The following CFAP54 variants were observed in gnomAD, a reference collection of about 807,000 sequenced individuals.
CFAP54 encodes cilia- and flagella-associated protein 54.
CFAP54 carries 290 observed loss-of-function variants against 370.4 expected under a neutral mutation model. The observed-to-expected ratio is 0.78, with a 90% CI of 0.71 to 0.86. The LOEUF (loss-of-function observed/expected upper bound fraction) is 0.86. CFAP54 is among the 40% of genes least tolerant of loss of function. The pLI is 0.00. For missense variants in CFAP54, 3,399 were observed against 3,528.7 expected, an observed-to-expected ratio of 0.96 and a Z score of 0.93; for synonymous variants, 1,206 against 1,236.5, an observed-to-expected ratio of 0.98 and a Z score of 0.52.
At chr12:96,679,895 G>A (rs1349216171) in intron 40 of CFAP54, 143 bp downstream of exon 40, 1 of 785,848 alleles carries the variant, frequency 1.3e-6, no homozygotes, top group Non-Finnish European at 2.0e-6. Flanking sequence ...TTGTCCAGTG[G>A]ATCTATTCTG....
intron 56 of CFAP54, among the ~76,000 whole-genome samples, chr12:96,755,284 T>A (rs1041875585): frequency 2.0e-5 from 3 of 152,238 alleles, no homozygotes; most frequent in Non-Finnish European, 4.4e-5. Context: ...ATGTATATAT[T>A]GTGGCATGAT....
At chr12:96,577,881 T>C (rs530000784) in intron 20 of CFAP54, among the ~76,000 whole-genome samples, 1 of 152,056 alleles carries the variant, frequency 6.6e-6, no homozygotes, top group South Asian at 2.1e-4. Context: ...GCCAACATGG[T>C]AAAACCCTGT....
At chr12:96,516,890 G>A (rs1955242150) in intron 5 of CFAP54, among the ~76,000 whole-genome samples, 1 of 152,058 alleles carries the variant, frequency 6.6e-6, no homozygotes, top group African/African-American at 2.4e-5. Context: ...AGGCTGCAGC[G>A]CCATCCTGTG....
chr12:96,713,774 G>C (rs895262487), intron 48 of CFAP54, among the ~76,000 whole-genome samples: 1 of 152,046 alleles, frequency 6.6e-6, no homozygotes, highest in African/African-American at 2.4e-5. Context: ...TAAAAGAGGA[G>C]AGGGAATGAG....
chr12:96,611,498 A>G (rs1405532166), intron 26 of CFAP54, among the ~76,000 whole-genome samples: 1 of 152,266 alleles, frequency 6.6e-6, no homozygotes, highest in South Asian at 2.1e-4. Flanking sequence ...CTCCAAAGGA[A>G]TGCAGCTCCT....
chr12:96,554,765 G>A lies in CFAP54; in HGVS notation c.2373G>A (p.Gln791=). Residue 791 remains glutamine (Q), a synonymous_variant, in exon 17 of 68, where the codon CAG becomes CAA. Transcript: ENST00000524981. ...TGCATCTTGAACTAATTCAAGCTCA[G>A]CATCGAATAGCTGTTGTGCTTCTGG... ...MDLHLELIQA[Q]HRIAVVLLDK... The A allele has an allele frequency of 6.5e-7, 1 of 1,534,774 alleles. No homozygotes were observed. The highest frequency in any genetic ancestry group is 8.7e-7 in the Non-Finnish European group (1 of 1,146,036).
At position 96,554,802 on chromosome 12, in the gene CFAP54, G is replaced by C. The variant is rs1955735265; in HGVS notation, c.2410G>C (p.Val804Leu). ...TGTTGTGCTTCTGGACAAATTGCAA[G>C]GTAGTAGTCACTAAAGCAAGTAACC... ...IAVVLLDKLQVLQTPTVSKDI... is the reference protein window; with the variant it reads ...IAVVLLDKLQLLQTPTVSKDI... The change falls in exon 17 of 68, where the codon GTT (valine) becomes CTT (leucine). Residue 804 changes from valine (V) to leucine (L), a missense_variant and splice_region_variant. Around this residue, in one of 3 missense-constraint regions of CFAP54, gnomAD observed 2,796 missense variants for 2,869.7 expected, o/e 0.97. Transcript: ENST00000524981. 1 of 1,530,246 alleles carries C rather than the reference G, an allele frequency of 6.5e-7. No homozygotes were observed. The highest frequency in any genetic ancestry group is 8.7e-7 in the Non-Finnish European group (1 of 1,143,234). 94.8% of individuals were successfully genotyped at this position (1,530,246 alleles called of 1,614,324 possible). A position where few individuals can be genotyped will look rare whatever the true frequency, so the allele number is the denominator to read the frequency against.
At chr12:96,737,486 T>C (rs997211457) in intron 50 of CFAP54, among the ~76,000 whole-genome samples, 1 of 141,720 alleles carries the variant, frequency 7.1e-6, no homozygotes, top group Non-Finnish European at 1.5e-5. Flanking sequence ...TTTATATATA[T>C]ATATGTTTTG....
chr12:96,579,343 A>G (rs1351821246), intron 20 of CFAP54, among the ~76,000 whole-genome samples: 1 of 152,214 alleles, frequency 6.6e-6, no homozygotes. Context: ...AACTTGCATC[A>G]GAAATTCTAA....
At chr12:96,674,697 A>T (rs182198821) in intron 39 of CFAP54, among the ~76,000 whole-genome samples, 6 of 152,340 alleles carry the variant, frequency 3.9e-5, no homozygotes, top group African/African-American at 1.2e-4. Flanking sequence ...GGATGATTTT[A>T]TTCAGACTGT....
intron 50 of CFAP54, among the ~76,000 whole-genome samples, chr12:96,736,726 G>T (rs1227450651): frequency 6.6e-6 from 1 of 152,216 alleles, no homozygotes; most frequent in Non-Finnish European, 1.5e-5. Flanking sequence ...TAAGTAGGAT[G>T]CAAGGCAAAA....
chr12:96,715,263 A>G (rs935178502), intron 48 of CFAP54, among the ~76,000 whole-genome samples: 12 of 64,456 alleles, frequency 1.9e-4, no homozygotes, highest in Admixed American at 6.4e-4. Context: ...GTATGAATTT[A>G]AAGTGAGAAG....
At chr12:96,706,714 G>A (rs1191166632) in intron 47 of CFAP54, among the ~76,000 whole-genome samples, 1 of 152,096 alleles carries the variant, frequency 6.6e-6, no homozygotes, top group Admixed American at 6.6e-5. Context: ...GTACTGTTCT[G>A]ATGCTGTCAA....
chr12:96,799,184 C>T (rs939840395), intron 63 of CFAP54, among the ~76,000 whole-genome samples: 3 of 152,128 alleles, frequency 2.0e-5, no homozygotes, highest in African/African-American at 7.2e-5. Flanking sequence ...AACAGTAATT[C>T]AGATTTTAGG....
intron 48 of CFAP54, among the ~76,000 whole-genome samples, chr12:96,717,705 G>A (rs1430279063): frequency 6.6e-6 from 1 of 152,180 alleles, no homozygotes; most frequent in African/African-American, 2.4e-5. Flanking sequence ...CTGGTCTCAC[G>A]CTCAGCTCTT....
intron 65 of CFAP54, among the ~76,000 whole-genome samples, chr12:96,825,820 A>C (rs1306055206): frequency 7.5e-6 from 1 of 132,558 alleles, no homozygotes; most frequent in Non-Finnish European, 1.5e-5. Context: ...ATATATAAAT[A>C]TATAAATTAG....
At chr12:96,522,861 A>C (rs1265541947) in intron 8 of CFAP54, among the ~76,000 whole-genome samples, 1 of 152,146 alleles carries the variant, frequency 6.6e-6, no homozygotes, top group African/African-American at 2.4e-5. Context: ...AAGTGACATG[A>C]GTCTGTTCTT....
chr12:96,545,026 C>T (rs1955622836), intron 14 of CFAP54, among the ~76,000 whole-genome samples: 1 of 152,088 alleles, frequency 6.6e-6, no homozygotes, highest in Non-Finnish European at 1.5e-5. Context: ...ATTCTTTTGC[C>T]TCAGCCTCCC....
At chr12:96,698,053 C>T (rs1957454241) in intron 45 of CFAP54, among the ~76,000 whole-genome samples, 1 of 152,290 alleles carries the variant, frequency 6.6e-6, no homozygotes, top group South Asian at 2.1e-4. Flanking sequence ...CAGAGAATTC[C>T]TTCCTGACCA....
Sources: allele counts gnomAD v4.1 joint callset (sites outside exome capture counted in the v4.1 genomes callset), GRCh38; gene constraint gnomAD v4.1.1; regional missense constraint gnomAD v4.1.1; transcripts MANE v1.5; gene names NCBI Gene and HGNC (gene_info 2026-07-23, HGNC 2026-07-21).